Variants in RNF115 observed in about 807,000 individuals in gnomAD.
RNF115 encodes the protein ring finger protein 115.
A neutral mutation model predicts 39.2 loss-of-function variants in RNF115; 31 were observed. The ratio of observed to expected loss-of-function variants is 0.79; its 90% CI spans 0.59 to 1.07. RNF115 has a LOEUF of 1.07. Ranked by LOEUF, RNF115 falls within the 50% of genes least tolerant of loss-of-function variation. The probability of loss-of-function intolerance (pLI) is 0.00; values close to 1 mark genes in which losing one functional copy is unlikely to be tolerated. For synonymous variants in RNF115, 124 were observed against 131.0 expected, an observed-to-expected ratio of 0.95 and a Z score of 0.37; for missense variants, 384 against 381.7, an observed-to-expected ratio of 1.01 and a Z score of -0.05.
At chr1:145,813,675 C>A (rs1189013780) in intron 1 of RNF115, among the ~76,000 whole-genome samples, 1 of 152,074 alleles carries the variant, frequency 6.6e-6, no homozygotes, top group Non-Finnish European at 1.5e-5. Context: ...ACACTCTCTC[C>A]CATCAGAGGT....
chr1:145,773,610 C>G lies in RNF115; in HGVS notation c.220-1691G>C, dbSNP rs1647742567. 2.0e-5 allele frequency: 3 copies of G among 152,240 alleles called. 1 individual carries two copies. Among genetic ancestry groups the G allele is most frequent in the Middle Eastern group, 6.8e-3 (2 of 294 alleles). 9.4% of individuals were successfully genotyped at this position (152,240 alleles called of 1,614,324 possible). On this transcript the variant is annotated intron_variant, in intron 3 of 8. Transcript: ENST00000582693. The stretch of plus-strand genomic sequence containing the variant: ...TTCCTGTTTGTGTTGAACCTAAAGA[C>G]AAGCCAGAGGTGAAAGCTAATGGCC...
rs1657812183 is a variant in RNF115 at position 145,744,847 on chromosome 1, T to C, written c.*2019A>G. 1 of 152,190 alleles carries C rather than the reference T, an allele frequency of 6.6e-6. No homozygotes were observed. The highest frequency in any genetic ancestry group is 2.1e-4 in the South Asian group (1 of 4,826). The allele number at this position is 152,190 out of a possible 1,614,324, so 9.4% of individuals were successfully genotyped here. ...AGACCTTGAAGTTTCAACAACATTC[T>C]TGACCTTCTTAATTTATCCAATGTT... On this transcript the variant is annotated 3_prime_UTR_variant, in exon 9 of 9. Transcript: ENST00000582693.
intron 3 of RNF115, among the ~76,000 whole-genome samples, chr1:145,776,164 A>ATTTTTTT (rs35710154): frequency 8.2e-6 from 1 of 121,780 alleles, no homozygotes; most frequent in African/African-American, 3.2e-5. Context: ...TCTGACCAAC[A>ATTTTTTT]TTTTTTTTTT....
Position 145,824,012 on chromosome 1 carries a change from T to A in RNF115, c.-139A>T. ...TCAGAGCCCGCGTCGGTCACGTGAG[T>A]TGGCCAGGCCCAGAAACGCGGCGGC... On this transcript the variant is annotated 5_prime_UTR_variant, in exon 1 of 9. Transcript: ENST00000582693. 1.7e-6 allele frequency: 1 copy of A among 588,490 alleles called. No individual in the cohort carries two copies. The highest frequency in any genetic ancestry group is 2.7e-6 in the Non-Finnish European group (1 of 367,386). 36.5% of individuals were successfully genotyped at this position (588,490 alleles called of 1,614,324 possible). A position where few individuals can be genotyped will look rare whatever the true frequency, so the allele number is the denominator to read the frequency against.
chr1:145,762,126 G>C (rs1210011579), intron 4 of RNF115, among the ~76,000 whole-genome samples: 1 of 152,214 alleles, frequency 6.6e-6, no homozygotes, highest in Non-Finnish European at 1.5e-5. Context: ...TAACTAGCTT[G>C]CTTTTGATTT....
intron 4 of RNF115, 69 bp from the exon 5 acceptor site, chr1:145,753,118 G>T: frequency 9.7e-7 from 1 of 1,032,016 alleles, no homozygotes; most frequent in Non-Finnish European, 1.5e-6. Context: ...ATCCATGGCT[G>T]CCTAATCACC....
intron 4 of RNF115, among the ~76,000 whole-genome samples, chr1:145,769,698 TAATCCTGACACCAAA>T (rs1376961554): frequency 1.4e-5 from 2 of 142,944 alleles, no homozygotes; most frequent in Non-Finnish European, 3.0e-5. Flanking sequence ...GAAACTAATA[TAATCCTGACACCAAA>T]ACTTGATAAA....
At chr1:145,792,482 C>T (rs1300388268) in intron 1 of RNF115, among the ~76,000 whole-genome samples, 2 of 151,976 alleles carry the variant, frequency 1.3e-5, no homozygotes, top group Admixed American at 6.6e-5. Flanking sequence ...CATGCCTGGC[C>T]CTCAAGTGCT....
At chr1:145,812,561 G>A (rs1411860220) in intron 1 of RNF115, among the ~76,000 whole-genome samples, 4 of 151,762 alleles carry the variant, frequency 2.6e-5, no homozygotes, top group African/African-American at 9.7e-5. Flanking sequence ...TCGGGAGGCT[G>A]AGGCACAAGA....
At chr1:145,750,631 G>A (rs1455815955) in intron 6 of RNF115, 131 bp from the exon 7 acceptor site, 12 of 661,202 alleles carry the variant, frequency 1.8e-5, no homozygotes, top group Non-Finnish European at 3.1e-5. Flanking sequence ...GCAAGGCTCT[G>A]AGAGGCTTGG....
chr1:145,774,415 T>C lies in RNF115; in HGVS notation c.220-2496A>G, dbSNP rs191712189. ...CCCAGGCTGGGGTGCAGTGGCACGA[T>C]CTCGGCTCACTGCAACCTCCACCTC... On this transcript the variant is annotated intron_variant, in intron 3 of 8. Coordinates refer to ENST00000582693, the MANE Select transcript of RNF115 (RefSeq NM_014455.4). Among the ~76,000 whole-genome samples, 719 of 152,132 alleles carry C rather than the reference T, an allele frequency of 4.7e-3. 7 individuals are homozygous for C. The highest frequency in any genetic ancestry group is 0.017 in the African/African-American group (688 of 41,488).
At chr1:145,774,617 C>T (rs2101538244) in intron 3 of RNF115, among the ~76,000 whole-genome samples, 1 of 152,298 alleles carries the variant, frequency 6.6e-6, no homozygotes, top group African/African-American at 2.4e-5. Flanking sequence ...TCCCAAAGTG[C>T]TGGGATTACA....
intron 1 of RNF115, among the ~76,000 whole-genome samples, chr1:145,808,461 A>C (rs1330552618): frequency 3.3e-5 from 5 of 152,138 alleles, no homozygotes; most frequent in Non-Finnish European, 5.9e-5. Context: ...ACTGTTTCAT[A>C]TACCTGTTGG....
intron 4 of RNF115, among the ~76,000 whole-genome samples, chr1:145,759,389 C>G (rs879957441): frequency 2.6e-5 from 4 of 152,180 alleles, no homozygotes; most frequent in African/African-American, 7.2e-5. Flanking sequence ...TCCAAACTTA[C>G]TCCTCCTAAT....
chr1:145,744,441 A>G lies in RNF115; in HGVS notation c.*2425T>C, dbSNP rs1185485102. The G allele has an allele frequency of 2.0e-5, 3 of 152,230 alleles. No individual in the cohort carries two copies. The highest frequency in any genetic ancestry group is 7.2e-5 in the African/African-American group (3 of 41,460). The allele number at this position is 152,230 out of a possible 1,614,324, so 9.4% of individuals were successfully genotyped here. A position where few individuals can be genotyped will look rare whatever the true frequency, so the allele number is the denominator to read the frequency against. On this transcript the variant is annotated 3_prime_UTR_variant, in exon 9 of 9. Transcript: ENST00000582693. ...ACTACAGAGGTGTAATATGGGAGGTATATGAAAAAACATATTTTATTCCCT... is the reference window on the plus strand; with the variant it reads ...ACTACAGAGGTGTAATATGGGAGGTGTATGAAAAAACATATTTTATTCCCT...
intron 3 of RNF115, among the ~76,000 whole-genome samples, chr1:145,776,466 A>G (rs1319998179): frequency 6.6e-6 from 1 of 151,972 alleles, no homozygotes; most frequent in Non-Finnish European, 1.5e-5. Context: ...ACCCAGCCTG[A>G]CCAACATTTT....
rs183081394 is a variant in RNF115, at chr1:145,802,960, C to T, written c.103-13994G>A. Among the ~76,000 whole-genome samples the T allele has an allele frequency of 6.6e-5, 10 of 152,194 alleles. No individual in the cohort carries two copies. In the East Asian group the frequency reaches 1.9e-3, roughly 29 times the overall value. On this transcript the variant is annotated intron_variant, in intron 1 of 8. Coordinates refer to ENST00000582693, the MANE Select transcript of RNF115 (RefSeq NM_014455.4). ...CCCTTTTCAAAAGCATCAAGTGAAC[C>T]CCAAAACAAAGACAACAGAACTTCT...
intron 1 of RNF115, among the ~76,000 whole-genome samples, chr1:145,793,821 ACTAAATATCTTACC>A (rs1648798827): frequency 1.3e-5 from 2 of 150,508 alleles, no homozygotes; most frequent in African/African-American, 4.9e-5. Flanking sequence ...GGTTCTGAGC[ACTAAATATCTTACC>A]CTCTTTCTTT....
At chr1:145,771,672 G>T in intron 4 of RNF115, 39 bp downstream of exon 4, 1 of 1,546,806 alleles carries the variant, frequency 6.5e-7, no homozygotes, top group South Asian at 1.1e-5. Flanking sequence ...GTCCTTCATT[G>T]AAACTACCTT....
Sources: allele counts gnomAD v4.1 joint callset (sites outside exome capture counted in the v4.1 genomes callset), GRCh38; gene constraint gnomAD v4.1.1; transcripts MANE v1.5; gene names NCBI Gene and HGNC (gene_info 2026-07-23, HGNC 2026-07-21).